IPCEF1: variants seen among roughly 807,000 people sequenced by gnomAD.
The protein encoded by IPCEF1 is interaction protein for cytohesin exchange factors 1, also known as interactor protein for cytohesin exchange factors 1.
Under a neutral mutation model 50.9 loss-of-function variants are expected in IPCEF1, and 31 were observed. The ratio of observed to expected loss-of-function variants is 0.61; its 90% CI spans 0.46 to 0.82. IPCEF1 has a LOEUF of 0.82. Ranked by LOEUF, IPCEF1 falls within the 40% of genes least tolerant of loss-of-function variation. IPCEF1 has a pLI of 0.00. For missense variants in IPCEF1, 458 were observed against 514.0 expected, an observed-to-expected ratio of 0.89 and a Z score of 1.05; for synonymous variants, 181 against 192.0, an observed-to-expected ratio of 0.94 and a Z score of 0.47.
rs746420610 is a variant in IPCEF1 at position 154,303,493 on chromosome 6, G to A, written c.-61-13737C>T. On this transcript the variant is annotated intron_variant, in intron 1 of 11. Coordinates refer to ENST00000367220, the MANE Select transcript of IPCEF1 (RefSeq NM_001130700.2). ...TCTGCAAAACCTCTCCAATTTTAAC[G>A]ACATAATACAGGACGGGGAGAGACA... Among the ~76,000 whole-genome samples the A allele has an allele frequency of 2.6e-5, 4 of 152,114 alleles. No individual in the cohort carries two copies. The South Asian group carries it at 6.2e-4, about 24-fold the overall frequency.
intron 10 of IPCEF1, among the ~76,000 whole-genome samples, chr6:154,188,494 G>A (rs1801580332): frequency 6.6e-6 from 1 of 152,208 alleles, no homozygotes; most frequent in South Asian, 2.1e-4. Flanking sequence ...GTGTATGCAC[G>A]CATGTGCATG....
intron 9 of IPCEF1, among the ~76,000 whole-genome samples, chr6:154,205,128 CT>C (rs1777386588): frequency 6.6e-6 from 1 of 152,222 alleles, no homozygotes; most frequent in African/African-American, 2.4e-5. Context: ...TGGCCACTCC[CT>C]AGCCCATTGC....
intron 5 of IPCEF1, among the ~76,000 whole-genome samples, chr6:154,231,246 A>G (rs1348338192): frequency 6.6e-6 from 1 of 152,234 alleles, no homozygotes; most frequent in African/African-American, 2.4e-5. Flanking sequence ...AAAAGTTAGG[A>G]TAAAATTCAC....
intron 10 of IPCEF1, among the ~76,000 whole-genome samples, chr6:154,194,900 C>CA (rs977687911): frequency 1.3e-5 from 2 of 152,072 alleles, no homozygotes; most frequent in African/African-American, 4.8e-5. Flanking sequence ...TTCCCAACAT[C>CA]AAATGATACT....
intron 1 of IPCEF1, among the ~76,000 whole-genome samples, chr6:154,341,947 T>A (rs2128698215): frequency 6.6e-6 from 1 of 152,306 alleles, no homozygotes; most frequent in South Asian, 2.1e-4. Flanking sequence ...AAGGAAAATT[T>A]AAGTATCTCA....
At chr6:154,268,724 G>A (rs574969312) in intron 2 of IPCEF1, among the ~76,000 whole-genome samples, 5 of 151,236 alleles carry the variant, frequency 3.3e-5, no homozygotes, top group African/African-American at 9.7e-5. Context: ...GGTTGTTTCC[G>A]TATCTGTTTC....
chr6:154,191,623 G>A (rs535792478), intron 10 of IPCEF1, among the ~76,000 whole-genome samples: 1 of 152,082 alleles, frequency 6.6e-6, no homozygotes, highest in Admixed American at 6.5e-5. Flanking sequence ...GCAGTGAGCC[G>A]AGATCACGCC....
At chr6:154,264,864 T>C (rs1333642549) in intron 3 of IPCEF1, among the ~76,000 whole-genome samples, 4 of 151,658 alleles carry the variant, frequency 2.6e-5, no homozygotes, top group Non-Finnish European at 5.9e-5. Context: ...TCAGGAGCTG[T>C]CTAGTTAACT....
intron 9 of IPCEF1, among the ~76,000 whole-genome samples, chr6:154,203,286 G>A (rs1287083936): frequency 6.6e-6 from 1 of 152,098 alleles, no homozygotes; most frequent in African/African-American, 2.4e-5. Flanking sequence ...ACTCCTCCAG[G>A]AAGCCTTCTC....
Position 154,286,336 on chromosome 6 carries a change from G to A in IPCEF1, c.-18+3377C>T, listed in dbSNP as rs568341946. Among the ~76,000 whole-genome samples the A allele has an allele frequency of 5.3e-5, 8 of 152,252 alleles. No individual in the cohort carries two copies. The East Asian group carries it at 1.2e-3, about 22-fold the overall frequency. On this transcript the variant is annotated intron_variant, in intron 2 of 11. Coordinates refer to ENST00000367220, the MANE Select transcript of IPCEF1 (RefSeq NM_001130700.2). ...TGTAACAAACCTGCATGTTCTGCACGTGTATCCCAGAACTTAAAGTAAAAT... is the reference window on the plus strand; with the variant it reads ...TGTAACAAACCTGCATGTTCTGCACATGTATCCCAGAACTTAAAGTAAAAT...
chr6:154,261,786 A>G (rs945285656), intron 3 of IPCEF1, among the ~76,000 whole-genome samples: 4 of 152,200 alleles, frequency 2.6e-5, no homozygotes, highest in African/African-American at 9.7e-5. Context: ...GGCTAGGATC[A>G]ACGAAAGGAC....
chr6:154,246,474 A>G (rs1426738583), intron 5 of IPCEF1, 117 bp downstream of exon 5: 1 of 1,209,744 alleles, frequency 8.3e-7, no homozygotes, highest in African/African-American at 1.5e-5. Flanking sequence ...TTATTTGTTT[A>G]TTTACTCCGC....
chr6:154,237,864 ATG>A (rs1217006223), intron 5 of IPCEF1, among the ~76,000 whole-genome samples: 1 of 148,342 alleles, frequency 6.7e-6, no homozygotes, highest in East Asian at 1.9e-4. Context: ...ATATCTATAT[ATG>A]TGTCAATACT....
intron 1 of IPCEF1, among the ~76,000 whole-genome samples, chr6:154,290,639 C>G (rs1321371878): frequency 6.6e-6 from 1 of 152,144 alleles, no homozygotes; most frequent in Non-Finnish European, 1.5e-5. Flanking sequence ...TTCCCACTGT[C>G]TCTCTCAAAA....
At chr6:154,251,013 C>T (rs953588651) in intron 3 of IPCEF1, among the ~76,000 whole-genome samples, 4 of 151,952 alleles carry the variant, frequency 2.6e-5, no homozygotes, top group Admixed American at 1.3e-4. Context: ...TTCCAGAAAC[C>T]CCTGACATCT....
chr6:154,341,141 A>G (rs1361488752), intron 1 of IPCEF1, among the ~76,000 whole-genome samples: 2 of 152,160 alleles, frequency 1.3e-5, no homozygotes, highest in African/African-American at 2.4e-5. Flanking sequence ...AAAGGAGGCC[A>G]TCAGATATGC....
chr6:154,175,608 C>G (rs564731780), intron 10 of IPCEF1, among the ~76,000 whole-genome samples: 1 of 151,994 alleles, frequency 6.6e-6, no homozygotes, highest in Non-Finnish European at 1.5e-5. Context: ...TACACCCTCC[C>G]AAAACTAAAC....
chr6:154,184,091 T>C (rs1801131072), intron 10 of IPCEF1, among the ~76,000 whole-genome samples: 1 of 152,020 alleles, frequency 6.6e-6, no homozygotes, highest in South Asian at 2.1e-4. Flanking sequence ...GCTGTTGTTG[T>C]TGCTTTATTT....
chr6:154,223,037 C>A, intron 6 of IPCEF1, 133 bp downstream of exon 6: 1 of 739,192 alleles, frequency 1.4e-6, no homozygotes, highest in Non-Finnish European at 2.3e-6. Flanking sequence ...AGGGTGCCAA[C>A]CCATAATGCT....
Sources: allele counts gnomAD v4.1 joint callset (sites outside exome capture counted in the v4.1 genomes callset), GRCh38; gene constraint gnomAD v4.1.1; transcripts MANE v1.5; gene names NCBI Gene and HGNC (gene_info 2026-07-23, HGNC 2026-07-21).